Variants in GTF3C2 observed in about 807,000 individuals in gnomAD.
GTF3C2 encodes general transcription factor IIIC subunit 2.
In GTF3C2, 17 loss-of-function variants were observed where a neutral mutation model predicts 117.4. The ratio of observed to expected loss-of-function variants is 0.14; its 90% CI spans 0.10 to 0.22. GTF3C2 has a LOEUF of 0.22. GTF3C2 is among the 10% of genes least tolerant of loss of function. GTF3C2 has a pLI of 1.00. For synonymous variants in GTF3C2, 437 were observed against 427.0 expected (o/e 1.02, Z -0.29); for missense variants, 888 against 1,143.6 (o/e 0.78, Z 3.22).
At chr2:27,328,101 G>C in exon 17 of GTF3C2, 1 of 1,610,342 alleles carries the variant, frequency 6.2e-7, no homozygotes, top group Non-Finnish European at 8.5e-7. Context: ...TCGAGCCTTA[G>C]GAGGGTTGGG....
At chr2:27,331,274 G>A (rs1035116988) in intron 12 of GTF3C2, among the ~76,000 whole-genome samples, 1 of 152,206 alleles carries the variant, frequency 6.6e-6, no homozygotes, top group African/African-American at 2.4e-5. Context: ...AGACGTGTAA[G>A]AGTGCTAATT....
Position 27,335,855 on chromosome 2 carries a change from C to T in GTF3C2, c.1467+62G>A, listed in dbSNP as rs372464591. 4 of 1,216,760 alleles carry T rather than the reference C, an allele frequency of 3.3e-6. No individual in the cohort carries two copies. The African/African-American group carries it at 4.5e-5, about 14-fold the overall frequency. The allele number at this position is 1,216,760 out of a possible 1,614,324, so 75.4% of individuals were successfully genotyped here. On this transcript the variant is annotated intron_variant, in intron 9 of 18. Coordinates refer to ENST00000264720, the Ensembl canonical transcript of GTF3C2. ...CTTCGTTCCTTCAACTCTAAGAATT[C>T]CCAGGGCCTCTTTGTCCTGGCTTTG...
intron 3 of GTF3C2, chr2:27,342,610 C>T: frequency 1.7e-6 from 1 of 577,252 alleles, no homozygotes; most frequent in South Asian, 2.2e-5. Context: ...TGGCATAGGA[C>T]ATAAAGTACA....
At chr2:27,345,114 T>C (rs1000867515) in intron 1 of GTF3C2, among the ~76,000 whole-genome samples, 16 of 133,076 alleles carry the variant, frequency 1.2e-4, no homozygotes, top group Non-Finnish European at 2.4e-4. Flanking sequence ...TGAGACTCCT[T>C]TGCTACAAAA....
At chr2:27,344,317 G>A (rs1251015688) in intron 1 of GTF3C2, among the ~76,000 whole-genome samples, 1 of 152,128 alleles carries the variant, frequency 6.6e-6, no homozygotes, top group Non-Finnish European at 1.5e-5. Flanking sequence ...GAGTCACTGC[G>A]CCTGGCCATA....
At chr2:27,350,898 G>A (rs1271483454) in intron 1 of GTF3C2, among the ~76,000 whole-genome samples, 4 of 149,694 alleles carry the variant, frequency 2.7e-5, no homozygotes, top group Admixed American at 1.3e-4. Context: ...GCAGTGAGCC[G>A]AGACTGCACC....
chr2:27,335,911 A>G lies in GTF3C2; in HGVS notation c.1467+6T>C. ...TAGGGCCATCCCACAGTTGACTGGG[A>G]AGTACCTTCCGAGGGGTGCCTGGAA... On this transcript the variant is annotated splice_donor_region_variant and intron_variant, in intron 9 of 18. Coordinates refer to ENST00000264720, the Ensembl canonical transcript of GTF3C2. 1 of 1,566,382 alleles carries G rather than the reference A, an allele frequency of 6.4e-7. No homozygotes were observed. Among genetic ancestry groups the G allele is most frequent in the South Asian group, 1.1e-5 (1 of 90,114 alleles).
In GTF3C2 at chr2:27,328,603, G is replaced by C. The variant is rs1558611714; in HGVS notation, c.2128-7C>G. 1 of 1,606,500 alleles carries C rather than the reference G, an allele frequency of 6.2e-7. No individual in the cohort carries two copies. On this transcript the variant is annotated splice_region_variant and splice_polypyrimidine_tract_variant and intron_variant, in intron 15 of 18. Coordinates refer to ENST00000264720, the Ensembl canonical transcript of GTF3C2. ...AGTCGGATCCTGAAAGACTCTAATA[G>C]AAAGAGACAGATTTCATTCATTCAT... is the stretch of plus-strand genomic sequence containing the variant.
chr2:27,332,439 G>A (rs1250228878), intron 12 of GTF3C2, among the ~76,000 whole-genome samples: 3 of 151,282 alleles, frequency 2.0e-5, no homozygotes, highest in African/African-American at 7.3e-5. Flanking sequence ...TTTTGAGACA[G>A]AGTCTCGCTC....
chr2:27,341,384 A>G (rs1680724356), intron 4 of GTF3C2: 1 of 153,104 alleles, frequency 6.5e-6, no homozygotes, highest in Non-Finnish European at 1.5e-5. Flanking sequence ...TATGTTATAT[A>G]CATTTTACCA....
intron 10 of GTF3C2, among the ~76,000 whole-genome samples, chr2:27,334,597 A>G (rs1474034806): frequency 2.0e-5 from 3 of 151,562 alleles, no homozygotes; most frequent in Non-Finnish European, 4.4e-5. Context: ...TATTGACCAC[A>G]CTTAGGCAAT....
At chr2:27,342,351 A>T (rs1680766067) in intron 3 of GTF3C2, 118 bp from the exon 4 acceptor site, 1 of 775,228 alleles carries the variant, frequency 1.3e-6, no homozygotes, top group East Asian at 2.7e-5. Context: ...TAACCAATTA[A>T]CTCTATTAAT....
chr2:27,334,343 T>C (rs1680381532), intron 10 of GTF3C2, among the ~76,000 whole-genome samples: 1 of 152,154 alleles, frequency 6.6e-6, no homozygotes, highest in African/African-American at 2.4e-5. Flanking sequence ...AACCTACCTC[T>C]ATCTGTTCCC....
At chr2:27,351,292 T>C (rs11693959) in intron 1 of GTF3C2, among the ~76,000 whole-genome samples, 27,961 of 152,004 alleles carry the variant, frequency 0.18, 3,484 homozygotes, top group Non-Finnish European at 0.27. Context: ...CGTGCACTTG[T>C]AGTCCCAGCT....
At chr2:27,332,559 A>G (rs1305303360) in intron 12 of GTF3C2, among the ~76,000 whole-genome samples, 1 of 150,590 alleles carries the variant, frequency 6.6e-6, no homozygotes, top group Non-Finnish European at 1.5e-5. Flanking sequence ...GGACTACAGG[A>G]GCCCGCCACC....
At chr2:27,333,925 G>T in intron 11 of GTF3C2, 49 bp downstream of exon 11, 1 of 1,512,228 alleles carries the variant, frequency 6.6e-7, no homozygotes, top group Non-Finnish European at 9.2e-7. Flanking sequence ...AGCAAGGTGA[G>T]GCTCTAAGAA....
At chr2:27,337,038 A>T (rs533670329) in intron 7 of GTF3C2, among the ~76,000 whole-genome samples, 2 of 152,288 alleles carry the variant, frequency 1.3e-5, no homozygotes, top group East Asian at 3.9e-4. Flanking sequence ...TTTGGCCCCT[A>T]AATCTCTCTA....
exon 3 of GTF3C2, chr2:27,342,876 C>T (rs750795760): frequency 2.5e-6 from 4 of 1,614,180 alleles, no homozygotes; most frequent in Non-Finnish European, 3.4e-6. Context: ...TCTCAAAGTC[C>T]TCAGGGGGCC....
intron 1 of GTF3C2, among the ~76,000 whole-genome samples, chr2:27,352,980 T>A (rs1398924344): frequency 2.6e-5 from 4 of 152,260 alleles, no homozygotes; most frequent in Admixed American, 6.5e-5. Context: ...TTGGCAGCTT[T>A]TTTGTTTGCA....
Sources: allele counts gnomAD v4.1 joint callset (sites outside exome capture counted in the v4.1 genomes callset), GRCh38; gene constraint gnomAD v4.1.1; transcripts MANE v1.5; gene names NCBI Gene and HGNC (gene_info 2026-07-23, HGNC 2026-07-21).